ANGPT2: variants seen among roughly 807,000 people sequenced by gnomAD.
The protein encoded by ANGPT2 is angiopoietin-2.
In ANGPT2, 28 loss-of-function variants were observed where a neutral mutation model predicts 62.9. The ratio of observed to expected loss-of-function variants is 0.44; its 90% CI spans 0.33 to 0.61. The LOEUF (loss-of-function observed/expected upper bound fraction) is 0.61, where lower values mean the gene tolerates loss of function less well. Ranked by LOEUF, ANGPT2 falls within the 20% of genes least tolerant of loss-of-function variation. The pLI, the probability that ANGPT2 is intolerant of heterozygous loss-of-function variation, is 0.03. For missense variants in ANGPT2, 727 were observed against 594.9 expected (o/e 1.22, Z -2.31); for synonymous variants, 284 against 207.8 (o/e 1.37, Z -3.15).
intron 1 of ANGPT2, among the ~76,000 whole-genome samples, chr8:6,548,556 G>C (rs1350860317): frequency 6.6e-6 from 1 of 152,192 alleles, no homozygotes; most frequent in Non-Finnish European, 1.5e-5. Flanking sequence ...GATCAGACCA[G>C]CCAAACTTGC....
chr8:6,500,021 G>A lies in ANGPT2; in HGVS notation c.*3080C>T. Reference sequence around the variant, plus strand: ...AAGGGTGGACTTAAGTTTTTATCCAGTCAAGCACAATTATGCCCATAATTA... The same window carrying A: ...AAGGGTGGACTTAAGTTTTTATCCAATCAAGCACAATTATGCCCATAATTA... On this transcript the variant is annotated 3_prime_UTR_variant, in exon 9 of 9. Transcript: ENST00000629816. 2.8e-6 allele frequency: 3 copies of A among 1,073,882 alleles called. No homozygotes were observed. Among genetic ancestry groups the A allele is most frequent in the Middle Eastern group, 2.6e-4 (1 of 3,878 alleles). 66.5% of individuals were successfully genotyped at this position (1,073,882 alleles called of 1,614,324 possible).
At chr8:6,546,393 G>T (rs892913156) in intron 1 of ANGPT2, among the ~76,000 whole-genome samples, 2 of 152,334 alleles carry the variant, frequency 1.3e-5, no homozygotes, top group Admixed American at 1.3e-4. Context: ...TGAAAAGCAA[G>T]TGCTACAGGA....
Position 6,502,971 on chromosome 8 carries a change from G to T in ANGPT2, c.*130C>A. ...TTACAGGCTCTAATCTGGAGCATGT[G>T]GGTCCCGTCAGCACCGAGCACACGC... is the stretch of plus-strand genomic sequence containing the variant. On this transcript the variant is annotated 3_prime_UTR_variant, in exon 9 of 9. Transcript: ENST00000629816. 9.6e-7 allele frequency: 1 copy of T among 1,042,290 alleles called. No individual in the cohort carries two copies. The highest frequency in any genetic ancestry group is 1.4e-6 in the Non-Finnish European group (1 of 717,320). 64.6% of individuals were successfully genotyped at this position (1,042,290 alleles called of 1,614,324 possible).
chr8:6,523,677 C>G (rs1242023876), intron 3 of ANGPT2, among the ~76,000 whole-genome samples: 1 of 152,100 alleles, frequency 6.6e-6, no homozygotes, highest in Non-Finnish European at 1.5e-5. Context: ...GCAACCTCCG[C>G]CTCCCGGATT....
At chr8:6,520,928 A>G (rs965184430) in intron 4 of ANGPT2, among the ~76,000 whole-genome samples, 1 of 152,236 alleles carries the variant, frequency 6.6e-6, no homozygotes, top group Non-Finnish European at 1.5e-5. Context: ...CTTCTAATTA[A>G]TGATGGAACT....
rs956202524 is a variant in ANGPT2 at position 6,510,293 on chromosome 8, C to T, written c.1197-1231G>A. On this transcript the variant is annotated intron_variant, in intron 7 of 8. Coordinates refer to ENST00000629816, the MANE Select transcript of ANGPT2 (RefSeq NM_001118887.2). ...GCCATGTTGGCACGTTGGGTCCTCA[C>T]GTCCTGATGGAGAAACAGGCACACG... 1.4e-4 allele frequency among the ~76,000 whole-genome samples: 21 copies of T among 152,138 alleles called. 1 individual carries two copies. Among genetic ancestry groups the T allele is most frequent in the Admixed American group, 1.2e-3 (18 of 15,282 alleles).
At chr8:6,515,978 T>C (rs2009235) in intron 5 of ANGPT2, among the ~76,000 whole-genome samples, 41,688 of 152,042 alleles carry the variant, frequency 0.27, 6,568 homozygotes, top group East Asian at 0.7. Flanking sequence ...TCATTGCCAG[T>C]GCAACCAGAG....
At chr8:6,547,450 A>T (rs771862652) in intron 1 of ANGPT2, among the ~76,000 whole-genome samples, 28 of 152,178 alleles carry the variant, frequency 1.8e-4, no homozygotes, top group Non-Finnish European at 3.4e-4. Context: ...TATAAAAAGC[A>T]TGCCATTCAG....
chr8:6,512,588 T>G (rs2922903), intron 7 of ANGPT2, among the ~76,000 whole-genome samples: 55,855 of 152,028 alleles, frequency 0.37, 10,488 homozygotes, highest in Middle Eastern at 0.49. Flanking sequence ...ACAGTCTCAC[T>G]TCTCTGCCCC....
At chr8:6,503,805 G>A (rs1448706477) in intron 8 of ANGPT2, among the ~76,000 whole-genome samples, 1 of 152,206 alleles carries the variant, frequency 6.6e-6, no homozygotes, top group Non-Finnish European at 1.5e-5. Flanking sequence ...TGCTCGCTCA[G>A]CTAAAGCCAG....
At chr8:6,543,002 G>A (rs1821888907) in intron 1 of ANGPT2, among the ~76,000 whole-genome samples, 1 of 152,096 alleles carries the variant, frequency 6.6e-6, no homozygotes, top group Non-Finnish European at 1.5e-5. Context: ...AAAGGGAGAG[G>A]AGCGGACTTG....
chr8:6,514,636 C>G (rs755170426), intron 6 of ANGPT2, 41 bp downstream of exon 6: 1 of 1,562,918 alleles, frequency 6.4e-7, no homozygotes, highest in Non-Finnish European at 8.8e-7. Context: ...CTATTTTTCA[C>G]AAGGGAAATT....
chr8:6,526,698 G>A (rs147664468), intron 3 of ANGPT2, among the ~76,000 whole-genome samples: 130 of 152,212 alleles, frequency 8.5e-4, no homozygotes, highest in African/African-American at 2.8e-3. Context: ...ATCATTTTTG[G>A]TTAAGAATAA....
intron 1 of ANGPT2, among the ~76,000 whole-genome samples, chr8:6,536,139 A>C (rs186808996): frequency 3.3e-5 from 5 of 152,324 alleles, no homozygotes; most frequent in African/African-American, 1.2e-4. Context: ...TTTAAGAGAA[A>C]TATATGATGT....
chr8:6,534,668 A>G (rs1179904093), intron 1 of ANGPT2, among the ~76,000 whole-genome samples: 2 of 152,206 alleles, frequency 1.3e-5, no homozygotes, highest in Admixed American at 1.3e-4. Flanking sequence ...ATAAAAAATC[A>G]GTCACTGATA....
intron 1 of ANGPT2, among the ~76,000 whole-genome samples, chr8:6,547,256 A>T (rs1188982149): frequency 6.6e-6 from 1 of 152,188 alleles, no homozygotes; most frequent in Non-Finnish European, 1.5e-5. Context: ...TTCGGGAAGT[A>T]AACTTTCAGT....
chr8:6,531,468 T>G (rs992661624), intron 2 of ANGPT2, among the ~76,000 whole-genome samples: 2 of 152,076 alleles, frequency 1.3e-5, no homozygotes, highest in African/African-American at 2.4e-5. Context: ...TGTTTGTATT[T>G]TTTAGTAGAG....
chr8:6,553,025 A>G (rs2922865), intron 1 of ANGPT2, among the ~76,000 whole-genome samples: 19,152 of 152,178 alleles, frequency 0.13, 3,645 homozygotes, highest in African/African-American at 0.41. Flanking sequence ...TGATGCTACA[A>G]TGGTGGATCC....
intron 3 of ANGPT2, among the ~76,000 whole-genome samples, chr8:6,527,279 AG>A (rs1407164094): frequency 9.9e-5 from 15 of 152,060 alleles, no homozygotes; most frequent in Non-Finnish European, 1.8e-4. Flanking sequence ...ATAATAGATT[AG>A]CATGCAGAAT....
Sources: allele counts gnomAD v4.1 joint callset (sites outside exome capture counted in the v4.1 genomes callset), GRCh38; gene constraint gnomAD v4.1.1; transcripts MANE v1.5; gene names NCBI Gene and HGNC (gene_info 2026-07-23, HGNC 2026-07-21).